Variants in SOX5 observed in about 807,000 individuals in gnomAD.
SOX5 encodes the protein transcription factor SOX-5.
A neutral mutation model predicts 92.0 loss-of-function variants in SOX5; 9 were observed. The observed-to-expected ratio is 0.10, with a 90% CI of 0.06 to 0.17. The LOEUF is 0.17. SOX5 is among the 10% of genes least tolerant of loss of function. The pLI, the probability that SOX5 is intolerant of heterozygous loss-of-function variation, is 1.00. For missense variants in SOX5, 642 were observed against 944.5 expected (o/e 0.68, Z 4.20); for synonymous variants, 344 against 336.3 (o/e 1.02, Z -0.25).
chr12:23,967,469 A>G lies in SOX5; in HGVS notation c.-1-71445T>C, dbSNP rs929374143. Among the ~76,000 whole-genome samples the G allele has an allele frequency of 8.4e-5, 9 of 107,748 alleles. 1 individual carries two copies. Among genetic ancestry groups the G allele is most frequent in the Admixed American group, 2.4e-4 (3 of 12,370 alleles). 70.7% of individuals were successfully genotyped at this position (107,748 alleles called of 152,430 possible). On this transcript the variant is annotated intron_variant, in intron 4 of 4. Coordinates refer to the SOX5 transcript ENST00000446891. ...TTTCTTTTCATAAAATTATACAGAC[A>G]ATAATGCAATATACAGTAGAAATAA...
At chr12:23,824,827 T>C (rs1236443255) in intron 3 of SOX5, among the ~76,000 whole-genome samples, 1 of 152,210 alleles carries the variant, frequency 6.6e-6, no homozygotes, top group Non-Finnish European at 1.5e-5. Flanking sequence ...CTACAGTAGC[T>C]TTGCCGAGCT....
chr12:24,096,337 A>T (rs1233052883), intron 4 of SOX5, among the ~76,000 whole-genome samples: 1 of 152,170 alleles, frequency 6.6e-6, no homozygotes, highest in Non-Finnish European at 1.5e-5. Context: ...TAACTATTTT[A>T]AAATGTACAA....
intron 4 of SOX5, among the ~76,000 whole-genome samples, chr12:24,064,553 T>C (rs1940327785): frequency 6.6e-6 from 1 of 152,216 alleles, no homozygotes; most frequent in Admixed American, 6.5e-5. Flanking sequence ...TTTAAAGTAG[T>C]ACAGAAATAA....
intron 4 of SOX5, among the ~76,000 whole-genome samples, chr12:23,997,257 A>T (rs1951118835): frequency 6.6e-6 from 1 of 152,168 alleles, no homozygotes. Flanking sequence ...TATTTCTACC[A>T]GACATGGCAA....
intron 9 of SOX5, among the ~76,000 whole-genome samples, chr12:23,585,571 C>A (rs995954265): frequency 1.3e-5 from 2 of 152,146 alleles, no homozygotes; most frequent in Admixed American, 1.3e-4. Context: ...ACTCCACTTG[C>A]TTTAACCTAG....
chr12:24,261,865 T>G (rs1799384475), intron 3 of SOX5, among the ~76,000 whole-genome samples: 1 of 152,208 alleles, frequency 6.6e-6, no homozygotes, highest in Admixed American at 6.5e-5. Flanking sequence ...ATCCCAAGCC[T>G]GTGAAACCTC....
intron 7 of SOX5, among the ~76,000 whole-genome samples, chr12:23,662,164 T>TAG (rs1319480451): frequency 3.3e-5 from 5 of 151,526 alleles, no homozygotes; most frequent in African/African-American, 1.2e-4. Flanking sequence ...TATACATATA[T>TAG]ATATATAGAG....
chr12:23,925,526 G>A (rs928554962), intron 1 of SOX5, among the ~76,000 whole-genome samples: 17 of 152,026 alleles, frequency 1.1e-4, no homozygotes, highest in Admixed American at 1.1e-3. Flanking sequence ...TCCATCACAA[G>A]GTCAAGTTAA....
At chr12:23,833,941 G>C (rs189742125) in intron 3 of SOX5, among the ~76,000 whole-genome samples, 1 of 152,066 alleles carries the variant, frequency 6.6e-6, no homozygotes, top group East Asian at 1.9e-4. Flanking sequence ...TAGGTTGACT[G>C]TCATCCACAG....
At chr12:23,872,469 C>T (rs1045263238) in intron 2 of SOX5, among the ~76,000 whole-genome samples, 1 of 152,018 alleles carries the variant, frequency 6.6e-6, no homozygotes, top group African/African-American at 2.4e-5. Flanking sequence ...GTTATGGTGT[C>T]ATTAAAAGAT....
rs371602636 is a variant in SOX5 at position 23,751,923 on chromosome 12, ACAAACCAGGCT to A, written c.568+3704_568+3714del. On this transcript the variant is annotated intron_variant, in intron 4 of 14. Transcript: ENST00000451604. ...AATCCATCAGAGATTCTAAGGGGAA[ACAAACCAGGCT>A]CTAAAAAACTCTTGAAATAAGGCAG... Among the ~76,000 whole-genome samples the A allele has an allele frequency of 2.4e-3, 360 of 151,662 alleles. 1 individual carries two copies. Among genetic ancestry groups the A allele is most frequent in the African/African-American group, 8.4e-3 (349 of 41,420 alleles).
At chr12:23,554,602 A>G (rs1382966662) in intron 11 of SOX5, among the ~76,000 whole-genome samples, 1 of 152,186 alleles carries the variant, frequency 6.6e-6, no homozygotes, top group Non-Finnish European at 1.5e-5. Context: ...TTACAGAGTG[A>G]GAACAAAATA....
intron 4 of SOX5, among the ~76,000 whole-genome samples, chr12:23,747,162 C>G (rs950781112): frequency 6.6e-5 from 10 of 152,002 alleles, no homozygotes; most frequent in African/African-American, 2.4e-4. Flanking sequence ...TTTTTGTCTA[C>G]CTCATCTTCC....
intron 4 of SOX5, among the ~76,000 whole-genome samples, chr12:24,116,098 AAG>A (rs1947961459): frequency 6.6e-6 from 1 of 152,144 alleles, no homozygotes; most frequent in Non-Finnish European, 1.5e-5. Flanking sequence ...ATGGGGGGAA[AAG>A]AGCTGATAAA....
At chr12:24,358,057 C>T (rs1007133232) in intron 2 of SOX5, among the ~76,000 whole-genome samples, 11 of 152,026 alleles carry the variant, frequency 7.2e-5, no homozygotes, top group Non-Finnish European at 1.3e-4. Flanking sequence ...GTGTGTGGCA[C>T]GTAACGGGCA....
At chr12:23,848,685 GTCACT>G (rs1272969750) in intron 2 of SOX5, among the ~76,000 whole-genome samples, 1 of 152,148 alleles carries the variant, frequency 6.6e-6, no homozygotes, top group African/African-American at 2.4e-5. Flanking sequence ...GATTCCATGT[GTCACT>G]TCACTTTGCT....
intron 2 of SOX5, among the ~76,000 whole-genome samples, chr12:23,850,474 A>T (rs5797046): frequency 9.7e-5 from 2 of 20,572 alleles, no homozygotes; most frequent in Non-Finnish European, 1.6e-4. Flanking sequence ...AATAAAAAAT[A>T]AAAAAAAAAT....
At chr12:24,090,455 TA>T (rs1265908675) in intron 4 of SOX5, among the ~76,000 whole-genome samples, 1 of 152,060 alleles carries the variant, frequency 6.6e-6, no homozygotes, top group Non-Finnish European at 1.5e-5. Context: ...CAAAGAGACA[TA>T]TGTAATGCCA....
chr12:24,377,671 A>C (rs975588871), intron 1 of SOX5, among the ~76,000 whole-genome samples: 4 of 152,154 alleles, frequency 2.6e-5, no homozygotes. Flanking sequence ...TTCCTAATAC[A>C]TATTTTTGGA....
Sources: gnomAD v4.1 joint callset for allele counts (sites outside exome capture counted in the v4.1 genomes callset) on GRCh38, gnomAD v4.1.1 for gene constraint, MANE v1.5 for transcripts, NCBI Gene and HGNC (gene_info 2026-07-23, HGNC 2026-07-21) for gene names.